SGCZ: variants seen among roughly 807,000 people sequenced by gnomAD.
SGCZ encodes sarcoglycan zeta.
A neutral mutation model predicts 41.3 loss-of-function variants in SGCZ; 40 were observed. The ratio of observed to expected loss-of-function variants is 0.97; its 90% CI spans 0.75 to 1.26. SGCZ has a LOEUF of 1.26. Ranked by LOEUF, SGCZ falls within the 50% of genes most tolerant of loss-of-function variation. The probability of loss-of-function intolerance (pLI) is 0.00; values close to 1 mark genes in which losing one functional copy is unlikely to be tolerated. For synonymous variants in SGCZ, 206 were observed against 137.5 expected, an observed-to-expected ratio of 1.50 and a Z score of -3.49; for missense variants, 552 against 369.8, an observed-to-expected ratio of 1.49 and a Z score of -4.04.
At chr8:14,628,820 A>G (rs2117391096) in intron 1 of SGCZ, among the ~76,000 whole-genome samples, 1 of 152,244 alleles carries the variant, frequency 6.6e-6, no homozygotes, top group East Asian at 1.9e-4. Flanking sequence ...ATAAGAAAGT[A>G]TATTTAAATC....
At chr8:14,566,273 C>T (rs571812123) in intron 1 of SGCZ, among the ~76,000 whole-genome samples, 3 of 152,142 alleles carry the variant, frequency 2.0e-5, no homozygotes, top group East Asian at 1.9e-4. Context: ...AAGATAAGCC[C>T]GAATATTGAT....
chr8:14,618,675 G>A (rs1057319752), intron 1 of SGCZ, among the ~76,000 whole-genome samples: 1 of 152,154 alleles, frequency 6.6e-6, no homozygotes, highest in African/African-American at 2.4e-5. Context: ...TATGTAGGAA[G>A]TTTTGTGTAG....
intron 1 of SGCZ, among the ~76,000 whole-genome samples, chr8:14,602,075 G>C (rs913526092): frequency 1.3e-5 from 2 of 151,984 alleles, no homozygotes; most frequent in Admixed American, 6.6e-5. Flanking sequence ...AGCCGAGATT[G>C]CGCCACTGCA....
rs1803018223 is a variant in SGCZ at position 14,130,811 on chromosome 8, G to C, written c.548-22576C>G. Among the ~76,000 whole-genome samples the C allele has an allele frequency of 2.6e-5, 4 of 152,188 alleles. No individual in the cohort carries two copies. The South Asian group carries it at 8.3e-4, about 32-fold the overall frequency. ...TGGAAGGCAGGTATGTTTTTTCATAGAGGCTCTAGCTTCCCTTTTCTTTGT... is the reference window on the plus strand; with the variant it reads ...TGGAAGGCAGGTATGTTTTTTCATACAGGCTCTAGCTTCCCTTTTCTTTGT... On this transcript the variant is annotated intron_variant, in intron 5 of 7. Transcript: ENST00000382080.
chr8:14,352,724 T>C (rs1445841347), intron 2 of SGCZ, among the ~76,000 whole-genome samples: 1 of 152,086 alleles, frequency 6.6e-6, no homozygotes, highest in East Asian at 1.9e-4. Context: ...CTGAAAAATA[T>C]ACCTGCCTAT....
chr8:14,117,528 T>A (rs11203577), intron 5 of SGCZ, among the ~76,000 whole-genome samples: 34,629 of 150,526 alleles, frequency 0.23, 4,132 homozygotes, highest in Middle Eastern at 0.28. Flanking sequence ...AAAATAAAAT[T>A]CCAATCTTGT....
At chr8:14,112,980 CT>C (rs1802419378) in intron 5 of SGCZ, among the ~76,000 whole-genome samples, 1 of 152,030 alleles carries the variant, frequency 6.6e-6, no homozygotes, top group Non-Finnish European at 1.5e-5. Context: ...GCTTTGAATA[CT>C]GAAAAATTTA....
intron 2 of SGCZ, among the ~76,000 whole-genome samples, chr8:14,519,696 A>G (rs1802733400): frequency 2.6e-5 from 4 of 152,120 alleles, no homozygotes. Context: ...CTGTTCATTT[A>G]TCTGCAATAA....
rs577489530 is a variant in SGCZ, at chr8:14,712,129, C to T, written c.40-157203G>A. Among the ~76,000 whole-genome samples, 4 of 152,274 alleles carry T rather than the reference C, an allele frequency of 2.6e-5. No individual in the cohort carries two copies. In the East Asian group the frequency reaches 7.7e-4, roughly 29 times the overall value. On this transcript the variant is annotated intron_variant, in intron 1 of 7. Coordinates refer to ENST00000382080, the MANE Select transcript of SGCZ (RefSeq NM_139167.4). The stretch of plus-strand genomic sequence containing the variant: ...ACTAAAAGAAAAACTAAAGCTTAGC[C>T]AATCAGAAACTTCCACAACTAACCC...
intron 2 of SGCZ, among the ~76,000 whole-genome samples, chr8:14,403,667 T>C (rs973514278): frequency 9.2e-5 from 14 of 152,324 alleles, no homozygotes; most frequent in East Asian, 1.9e-4. Flanking sequence ...AAAAACTTAT[T>C]TTCATAAGTC....
intron 1 of SGCZ, among the ~76,000 whole-genome samples, chr8:15,156,583 G>T (rs1036257699): frequency 1.3e-5 from 2 of 152,102 alleles, no homozygotes; most frequent in South Asian, 4.1e-4. Flanking sequence ...TTCTGAAAAC[G>T]TCCATTATCT....
intron 1 of SGCZ, among the ~76,000 whole-genome samples, chr8:15,004,953 G>C (rs1802550765): frequency 6.6e-6 from 1 of 152,150 alleles, no homozygotes; most frequent in African/African-American, 2.4e-5. Flanking sequence ...ATCTGAGGTG[G>C]TATCTATGCA....
chr8:14,438,038 T>C (rs1585512689), intron 2 of SGCZ, among the ~76,000 whole-genome samples: 1 of 151,986 alleles, frequency 6.6e-6, no homozygotes, highest in Non-Finnish European at 1.5e-5. Context: ...TAAACTACTT[T>C]CTCAAATGGT....
intron 3 of SGCZ, among the ~76,000 whole-genome samples, chr8:14,286,475 G>A (rs1800634730): frequency 6.6e-6 from 1 of 152,082 alleles, no homozygotes; most frequent in Non-Finnish European, 1.5e-5. Flanking sequence ...CCAGCTGTTT[G>A]ACAGCTCTTT....
chr8:14,732,461 A>T (rs2130244269), intron 1 of SGCZ, among the ~76,000 whole-genome samples: 1 of 152,302 alleles, frequency 6.6e-6, no homozygotes, highest in South Asian at 2.1e-4. Flanking sequence ...AGTGGTGGGG[A>T]AAATTATTCA....
intron 2 of SGCZ, among the ~76,000 whole-genome samples, chr8:14,328,825 C>T (rs944369765): frequency 2.0e-5 from 3 of 152,186 alleles, no homozygotes; most frequent in African/African-American, 7.2e-5. Flanking sequence ...GGGCTCCTCC[C>T]TTGTGAATGG....
At chr8:14,136,664 C>G (rs7816298) in intron 5 of SGCZ, among the ~76,000 whole-genome samples, 151,125 of 152,272 alleles carry the variant, frequency 0.99, 75,007 homozygotes, top group East Asian at 1. Flanking sequence ...CAACTGGATG[C>G]AGCCCACCAC....
intron 1 of SGCZ, among the ~76,000 whole-genome samples, chr8:15,035,871 G>A (rs1803857153): frequency 6.6e-6 from 1 of 152,074 alleles, no homozygotes; most frequent in African/African-American, 2.4e-5. Context: ...GGGATAGACT[G>A]TAACACATTA....
rs1414019047 is a variant in SGCZ at position 14,492,429 on chromosome 8, A to C, written c.234+62303T>G. On this transcript the variant is annotated intron_variant, in intron 2 of 7. Coordinates refer to ENST00000382080, the MANE Select transcript of SGCZ (RefSeq NM_139167.4). ...ACTTAAACCTGGAAGAAAATCAGTA[A>C]ATGTTTAGAGAATAAAATTGGTGAA... Among the ~76,000 whole-genome samples the C allele has an allele frequency of 2.6e-5, 4 of 152,166 alleles. No individual in the cohort carries two copies. In the East Asian group the frequency reaches 7.7e-4, roughly 29 times the overall value.
Sources: gnomAD v4.1 joint callset for allele counts (sites outside exome capture counted in the v4.1 genomes callset) on GRCh38, gnomAD v4.1.1 for gene constraint, MANE v1.5 for transcripts, NCBI Gene and HGNC (gene_info 2026-07-23, HGNC 2026-07-21) for gene names.